ATPSCKMT: variants seen among roughly 807,000 people sequenced by gnomAD.
The protein encoded by ATPSCKMT is ATP synthase c subunit lysine N-methyltransferase, also known as ATP synthase subunit C lysine N-methyltransferase.
A neutral mutation model predicts 24.3 loss-of-function variants in ATPSCKMT; 24 were observed. The ratio of observed to expected loss-of-function variants is 0.99; its 90% CI spans 0.71 to 1.39. The LOEUF (loss-of-function observed/expected upper bound fraction) is 1.39, where lower values mean the gene tolerates loss of function less well. ATPSCKMT is among the 40% of genes most tolerant of loss of function. The pLI is 0.00. For missense variants in ATPSCKMT, 311 were observed against 298.4 expected (o/e 1.04, Z -0.31); for synonymous variants, 95 against 110.5 (o/e 0.86, Z 0.88).
At chr5:10,244,713 A>G (rs1272884081) in intron 1 of ATPSCKMT, among the ~76,000 whole-genome samples, 1 of 152,058 alleles carries the variant, frequency 6.6e-6, no homozygotes, top group Non-Finnish European at 1.5e-5. Context: ...GGAGTTCAAG[A>G]GCAGCCTGGG....
At chr5:10,235,360 C>A in intron 3 of ATPSCKMT, 99 bp from the exon 4 acceptor site, 1 of 1,046,200 alleles carries the variant, frequency 9.6e-7, no homozygotes, top group Non-Finnish European at 1.5e-6. Flanking sequence ...TCCATTTTAC[C>A]AAACGGTGGG....
chr5:10,227,536 T>C lies in ATPSCKMT; in HGVS notation c.607A>G (p.Ile203Val), dbSNP rs201325282. Reference sequence around the variant, plus strand: ...GCATCATATGCCCACACTGTGTCTATCCCCTCCCCCGTGACGTGGTCTGGA... The same window carrying C: ...GCATCATATGCCCACACTGTGTCTACCCCCTCCCCCGTGACGTGGTCTGGA... ...WTPDHVTGEGIDTVWAYDAST... is the reference protein window; with the variant it reads ...WTPDHVTGEGVDTVWAYDAST... Residue 203 changes from isoleucine to valine, a missense_variant, in exon 5 of 5, where the codon ATA becomes GTA. Ile to Val is a conservative substitution (Grantham distance 29, BLOSUM62 3). Transcript: ENST00000511437. The C allele has an allele frequency of 1.5e-4, 248 of 1,613,992 alleles. 2 individuals carry two copies. Among genetic ancestry groups the C allele is most frequent in the Admixed American group, 2.7e-4 (16 of 59,990 alleles).
intron 1 of ATPSCKMT, among the ~76,000 whole-genome samples, chr5:10,244,007 G>C (rs895175236): frequency 6.6e-6 from 1 of 152,198 alleles, no homozygotes; most frequent in Non-Finnish European, 1.5e-5. Context: ...AATGGTAGAA[G>C]TGTGACTCAT....
At chr5:10,228,794 C>T (rs1251737941) in intron 4 of ATPSCKMT, among the ~76,000 whole-genome samples, 1 of 152,020 alleles carries the variant, frequency 6.6e-6, no homozygotes, top group African/African-American at 2.4e-5. Flanking sequence ...ATCCTCCCAC[C>T]TCAACCTCCT....
At chr5:10,227,689 A>T in intron 4 of ATPSCKMT, 42 bp from the exon 5 acceptor site, 1 of 1,580,868 alleles carries the variant, frequency 6.3e-7, no homozygotes, top group Non-Finnish European at 8.6e-7. Context: ...GCAGTGAGTC[A>T]GAGGAAATGA....
intron 4 of ATPSCKMT, among the ~76,000 whole-genome samples, chr5:10,234,064 A>G (rs1744269343): frequency 6.6e-6 from 1 of 152,226 alleles, no homozygotes; most frequent in Admixed American, 6.5e-5. Flanking sequence ...ACAGTGGCTC[A>G]CACCTGTAAT....
intron 1 of ATPSCKMT, 129 bp downstream of exon 1, chr5:10,249,728 TG>T: frequency 1.4e-6 from 2 of 1,387,578 alleles, no homozygotes; most frequent in Non-Finnish European, 9.6e-7. Flanking sequence ...AAGGCCAGGC[TG>T]GAGGCCAGAG....
intron 1 of ATPSCKMT, among the ~76,000 whole-genome samples, chr5:10,242,194 T>C (rs1744675365): frequency 6.6e-6 from 1 of 152,234 alleles, no homozygotes; most frequent in African/African-American, 2.4e-5. Flanking sequence ...GAAAGATTGC[T>C]CTGCGGCATG....
chr5:10,248,217 C>T (rs1488418539), intron 1 of ATPSCKMT: 2 of 73,690 alleles, frequency 2.7e-5, no homozygotes, highest in African/African-American at 6.1e-5. Flanking sequence ...CCTTAAGAAG[C>T]CTTTCTTATA....
chr5:10,249,886 A>G lies in ATPSCKMT; in HGVS notation c.-13T>C, dbSNP rs374506118. 3 of 1,301,008 alleles carry G rather than the reference A, an allele frequency of 2.3e-6. No homozygotes were observed. The highest frequency in any genetic ancestry group is 1.9e-5 in the African/African-American group (1 of 52,450). The allele number at this position is 1,301,008 out of a possible 1,614,324, so 80.6% of individuals were successfully genotyped here. ...CTCCTCCCTCCATCGCGAGATTTCC[A>G]ACAGCGTTTTTAAAAAAAAAAAAAA... On this transcript the variant is annotated 5_prime_UTR_variant, in exon 1 of 5. Transcript: ENST00000511437.
Position 10,231,129 on chromosome 5 carries a change from C to T in ATPSCKMT, c.496-3482G>A, listed in dbSNP as rs1284488993. Among the ~76,000 whole-genome samples the T allele has an allele frequency of 2.0e-5, 3 of 152,064 alleles. No individual in the cohort carries two copies. In the South Asian group the frequency reaches 6.2e-4, roughly 32 times the overall value. ...ACTCCAAGCGTGTGGCAGGATGGCC[C>T]GGTGGTCTAAGGTGCTAGACACAAG... On this transcript the variant is annotated intron_variant, in intron 4 of 4. Transcript: ENST00000511437.
chr5:10,237,704 C>T (rs957424374), intron 2 of ATPSCKMT, among the ~76,000 whole-genome samples: 1 of 152,132 alleles, frequency 6.6e-6, no homozygotes, highest in African/African-American at 2.4e-5. Context: ...GTAAACTGCC[C>T]AGTCTCAGGT....
intron 4 of ATPSCKMT, among the ~76,000 whole-genome samples, chr5:10,230,797 C>T (rs1265616989): frequency 6.6e-6 from 1 of 152,154 alleles, no homozygotes; most frequent in African/African-American, 2.4e-5. Flanking sequence ...GGCACTTCCT[C>T]CTCCCCAGGC....
In ATPSCKMT at chr5:10,227,412, A is replaced by G. The variant is rs747624672; in HGVS notation, c.*29T>C. The G allele has an allele frequency of 1.9e-6, 3 of 1,609,498 alleles. No homozygotes were observed. Among genetic ancestry groups the G allele is most frequent in the East Asian group, 2.2e-5 (1 of 44,882 alleles). ...CTCTACAAGATCAGGGAAGACTACA[A>G]TATTTCAGAAAAACACTCCCAGTCA... On this transcript the variant is annotated 3_prime_UTR_variant, in exon 5 of 5. Coordinates refer to ENST00000511437, the MANE Select transcript of ATPSCKMT (RefSeq NM_199133.4).
chr5:10,244,763 C>A (rs1440762672), intron 1 of ATPSCKMT, among the ~76,000 whole-genome samples: 1 of 151,950 alleles, frequency 6.6e-6, no homozygotes, highest in Admixed American at 6.6e-5. Context: ...AATAAATTAG[C>A]CATGTGTGGT....
At chr5:10,239,390 G>C in intron 1 of ATPSCKMT, 34 bp from the exon 2 acceptor site, 1 of 1,544,312 alleles carries the variant, frequency 6.5e-7, no homozygotes, top group Non-Finnish European at 8.8e-7. Context: ...GACACATGTA[G>C]CACCAAATCT....
In ATPSCKMT at chr5:10,235,161, C is replaced by A. The variant is rs778328464; in HGVS notation, c.495+50G>T. On this transcript the variant is annotated intron_variant, in intron 4 of 4. Coordinates refer to ENST00000511437, the MANE Select transcript of ATPSCKMT (RefSeq NM_199133.4). ...AGTGGTGGTGTTGTGGCTGGAAGGG[C>A]CTTCAACATCATCTAACCCCAAACA... The A allele has an allele frequency of 3.2e-6, 5 of 1,571,224 alleles. No homozygotes were observed. In the Admixed American group the frequency reaches 5.0e-5, roughly 16 times the overall value.
chr5:10,236,318 T>C, intron 3 of ATPSCKMT, 160 bp downstream of exon 3: 2 of 871,896 alleles, frequency 2.3e-6, no homozygotes, highest in South Asian at 2.3e-5. Context: ...AGGAGACTAT[T>C]TGTAAAACGT....
intron 4 of ATPSCKMT, among the ~76,000 whole-genome samples, chr5:10,228,124 C>T (rs1040871806): frequency 1.3e-5 from 2 of 152,172 alleles, no homozygotes; most frequent in African/African-American, 4.8e-5. Context: ...GGATGACAGG[C>T]GTGAGCCACT....
Sources: gnomAD v4.1 joint callset for allele counts (sites outside exome capture counted in the v4.1 genomes callset) on GRCh38, gnomAD v4.1.1 for gene constraint, MANE v1.5 for transcripts, NCBI Gene and HGNC (gene_info 2026-07-23, HGNC 2026-07-21) for gene names.